The following CUL9 variants were observed in gnomAD, a reference collection of about 807,000 sequenced individuals.
CUL9 encodes cullin 9.
Under a neutral mutation model 272.6 loss-of-function variants are expected in CUL9, and 79 were observed. The observed-to-expected ratio is 0.29, with a 90% confidence interval of 0.24 to 0.35. The LOEUF is 0.35. Ranked by LOEUF, CUL9 falls within the 10% of genes least tolerant of loss-of-function variation. The pLI, the probability that CUL9 is intolerant of heterozygous loss-of-function variation, is 1.00. For synonymous variants in CUL9, 1,186 were observed against 1,286.5 expected (o/e 0.92, Z 1.67); for missense variants, 2,532 against 3,255.6 (o/e 0.78, Z 5.41).
rs1473038093 is a variant in CUL9 at position 43,218,761 on chromosome 6, G to C, written c.6283-1698G>C. Reference sequence around the variant, plus strand: ...GAATCAAGGATGGTTCCTGTGCTTTGACCTGAGCACCTGGGTGGATGGCAT... The same window carrying C: ...GAATCAAGGATGGTTCCTGTGCTTTCACCTGAGCACCTGGGTGGATGGCAT... On this transcript the variant is annotated intron_variant, in intron 31 of 40. Coordinates refer to ENST00000252050, the MANE Select transcript of CUL9 (RefSeq NM_015089.4). The surrounding 1 kb of genome is among the most constrained non-coding windows in gnomAD (Gnocchi z 4.4). Among the ~76,000 whole-genome samples, 1 of 152,204 alleles carries C rather than the reference G, an allele frequency of 6.6e-6. No homozygotes were observed. Among genetic ancestry groups the C allele is most frequent in the African/African-American group, 2.4e-5 (1 of 41,446 alleles).
At position 43,223,680 on chromosome 6, in the gene CUL9, T is replaced by C. The variant is rs16896363; in HGVS notation, c.7284+283T>C. 8,452 of 534,546 alleles carry C rather than the reference T, an allele frequency of 0.016. 173 individuals carry two copies. Among genetic ancestry groups the C allele is most frequent in the African/African-American group, 0.074 (3,912 of 53,108 alleles). The allele number at this position is 534,546 out of a possible 1,614,324, so 33.1% of individuals were successfully genotyped here. On this transcript the variant is annotated intron_variant, in intron 39 of 40. Transcript: ENST00000252050. The surrounding 1 kb of genome is among the most constrained non-coding windows in gnomAD (Gnocchi z 4.1). ...CTATCAGAATCACTTGGGGAACTTT[T>C]CCAGACTGTACTTCCCAGATAGGGA...
Position 43,224,512 on chromosome 6 carries a change from CCT to C in CUL9, c.*68_*69del, listed in dbSNP as rs1429497853. On this transcript the variant is annotated 3_prime_UTR_variant, in exon 41 of 41. Transcript: ENST00000252050. This position sits in a 1 kb window ranked among gnomAD's most constrained non-coding sequence, Gnocchi z 4.2. ...CGGGGCTGAGGGGGCGGGAGCTGCCCCTGTCATAGGGAGGGGGATTCCCAGCG... is the reference window on the plus strand; with the variant it reads ...CGGGGCTGAGGGGGCGGGAGCTGCCCGTCATAGGGAGGGGGATTCCCAGCG... 121 of 1,469,628 alleles carry C rather than the reference CCT, an allele frequency of 8.2e-5. No homozygotes were observed. Among genetic ancestry groups the C allele is most frequent in the Middle Eastern group, 2.4e-4 (1 of 4,104 alleles). The allele number at this position is 1,469,628 out of a possible 1,614,324, so 91.0% of individuals were successfully genotyped here.
At chr6:43,196,312 C>A in intron 10 of CUL9, 47 bp downstream of exon 10, 1 of 1,534,408 alleles carries the variant, frequency 6.5e-7, no homozygotes, top group Non-Finnish European at 8.9e-7. Flanking sequence ...TAGTCCCAAA[C>A]CCTGCTACTC....
chr6:43,218,290 C>T lies in CUL9; in HGVS notation c.6282+1787C>T, dbSNP rs752065489. Among the ~76,000 whole-genome samples the T allele has an allele frequency of 7.9e-5, 12 of 152,128 alleles. No individual in the cohort carries two copies. Among genetic ancestry groups the T allele is most frequent in the Non-Finnish European group, 1.5e-5 (1 of 68,020 alleles). On this transcript the variant is annotated intron_variant, in intron 31 of 40. Transcript: ENST00000252050. This position sits in a 1 kb window ranked among gnomAD's most constrained non-coding sequence, Gnocchi z 4.4. ...GCAGTGCAGTGGCGCGATCTCGGCTCATTGCAACCTCCATCTCCCGGGTTC... is the reference window on the plus strand; with the variant it reads ...GCAGTGCAGTGGCGCGATCTCGGCTTATTGCAACCTCCATCTCCCGGGTTC...
Position 43,184,154 on chromosome 6 carries a change from A to AT in CUL9, c.-9-142dup. 4.0e-6 allele frequency: 2 copies of AT among 502,268 alleles called. No individual in the cohort carries two copies. Among genetic ancestry groups the AT allele is most frequent in the East Asian group, 3.2e-5 (1 of 31,120 alleles). 31.1% of individuals were successfully genotyped at this position (502,268 alleles called of 1,614,324 possible). A position where few individuals can be genotyped will look rare whatever the true frequency, so the allele number is the denominator to read the frequency against. ...TATGTTCAGCTATTTATTCCATCCT[A>AT]TTTTTTGCCTTTTCTGTTTGGCCTC... On this transcript the variant is annotated intron_variant, in intron 1 of 40. Coordinates refer to ENST00000252050, the MANE Select transcript of CUL9 (RefSeq NM_015089.4). The surrounding 1 kb of genome is among the most constrained non-coding windows in gnomAD (Gnocchi z 4.8).
At chr6:43,216,040 C>T in intron 30 of CUL9, 118 bp from the exon 31 acceptor site, 2 of 936,514 alleles carry the variant, frequency 2.1e-6, no homozygotes, top group Admixed American at 5.2e-5. Context: ...TATCCTGAGG[C>T]TGCTTAGGCA....
At chr6:43,208,694 C>A (rs1775227667) in intron 26 of CUL9, among the ~76,000 whole-genome samples, 1 of 152,106 alleles carries the variant, frequency 6.6e-6, no homozygotes, top group South Asian at 2.1e-4. Flanking sequence ...TGGTTACTGG[C>A]TTTCCAGTTT....
chr6:43,186,395 G>A lies in CUL9; in HGVS notation c.1191G>A (p.Glu397=), dbSNP rs758762007. Residue 397 remains glutamate (E), a synonymous_variant, in exon 4 of 41, where the codon GAG becomes GAA. Coordinates refer to ENST00000252050, the MANE Select transcript of CUL9 (RefSeq NM_015089.4). ...TGCGGATGCTGGATGATTATGAGGA[G>A]ATCAGTGCTGGGGACGAGGGCGAGT... The part of the protein sequence containing the change: ...MRVRMLDDYE[E]ISAGDEGEFR... 6.2e-7 allele frequency: 1 copy of A among 1,612,636 alleles called. No homozygotes were observed. The highest frequency in any genetic ancestry group is 2.2e-5 in the East Asian group (1 of 44,828).
chr6:43,196,695 G>A lies in CUL9; in HGVS notation c.2636G>A (p.Cys879Tyr). 3 of 1,614,182 alleles carry A rather than the reference G, an allele frequency of 1.9e-6. No individual in the cohort carries two copies. Among genetic ancestry groups the A allele is most frequent in the Non-Finnish European group, 2.5e-6 (3 of 1,180,040 alleles). ...NGLLLLNLLL[C>Y]NHHTLGDQII... ...TTACTCCTGCTCAACCTACTTTTGTGCAACCACCACACTCTGGGAGACCAG... is the reference window on the plus strand; with the variant it reads ...TTACTCCTGCTCAACCTACTTTTGTACAACCACCACACTCTGGGAGACCAG... Residue 879 changes from cysteine to tyrosine, a missense_variant, in exon 11 of 41, where the codon TGC (cysteine) becomes TAC (tyrosine). Physicochemically the swap from Cys to Tyr is radical, Grantham distance 194. Around this residue, in one of 3 missense-constraint regions of CUL9, gnomAD observed 2,218 missense variants for 2,788.6 expected, o/e 0.80. Coordinates refer to ENST00000252050, the MANE Select transcript of CUL9 (RefSeq NM_015089.4).
In CUL9 at chr6:43,188,677, G is replaced by A; in HGVS notation, c.2142G>A (p.Glu714=). Residue 714 remains glutamate, a synonymous_variant, in exon 8 of 41, where the codon GAG becomes GAA. Transcript: ENST00000252050. ...ALSQAVEEVT[E]RDHPLVRPDR... is the part of the protein sequence containing the mutation. ...CTCAGGCTGTGGAGGAGGTCACTGA[G>A]CGGGACCACCCTCTGGTCCGTCCTG... 1.2e-6 allele frequency: 2 copies of A among 1,613,984 alleles called. No homozygotes were observed. The highest frequency in any genetic ancestry group is 2.2e-5 in the East Asian group (1 of 44,888).
intron 30 of CUL9, 78 bp downstream of exon 30, chr6:43,215,404 A>G: frequency 6.7e-7 from 1 of 1,499,280 alleles, no homozygotes; most frequent in East Asian, 2.3e-5. Flanking sequence ...GTGGAGAAAC[A>G]CTTCCCTTCT....
rs1447842888 is a variant in CUL9 at position 43,221,228 on chromosome 6, G to A, written c.6659G>A (p.Ser2220Asn). The A allele has an allele frequency of 6.2e-7, 1 of 1,611,746 alleles. No individual in the cohort carries two copies. The highest frequency in any genetic ancestry group is 2.2e-5 in the East Asian group (1 of 44,880). Residue 2220 changes from serine to asparagine, a missense_variant, in exon 34 of 41, where the codon AGC becomes AAC. Around this residue, in one of 3 missense-constraint regions of CUL9, gnomAD observed 77 missense variants for 161.1 expected, o/e 0.48. Coordinates refer to ENST00000252050, the MANE Select transcript of CUL9 (RefSeq NM_015089.4). The surrounding 1 kb of genome is among the most constrained non-coding windows in gnomAD (Gnocchi z 4.2). ...VDDGGYYDGM[S>N]VEAQSKHLAK... ...GACGGTGGCTACTATGACGGCATGAGCGTGGAGGCGCAGAGCAAGCACCTG... is the reference window on the plus strand; with the variant it reads ...GACGGTGGCTACTATGACGGCATGAACGTGGAGGCGCAGAGCAAGCACCTG...
chr6:43,224,555 G>GT lies in CUL9; in HGVS notation c.*113dup. On this transcript the variant is annotated 3_prime_UTR_variant, in exon 41 of 41. Transcript: ENST00000252050. The surrounding 1 kb of genome is among the most constrained non-coding windows in gnomAD (Gnocchi z 4.2). ...ATTCCCAGCGTCTGTAGTGCTTCCT[G>GT]TTTGCTGAATAAAGGTCTCTTTCTC... is the stretch of plus-strand genomic sequence containing the variant. 1 of 1,035,504 alleles carries GT rather than the reference G, an allele frequency of 9.7e-7. No homozygotes were observed. The highest frequency in any genetic ancestry group is 1.7e-5 in the South Asian group (1 of 59,644). The allele number at this position is 1,035,504 out of a possible 1,614,324, so 64.1% of individuals were successfully genotyped here.
intron 9 of CUL9, among the ~76,000 whole-genome samples, chr6:43,193,509 C>T (rs1299459061): frequency 1.3e-5 from 2 of 152,226 alleles, no homozygotes; most frequent in Non-Finnish European, 2.9e-5. Flanking sequence ...GCTGAGATTA[C>T]AGGCATAAGC....
At chr6:43,216,029 T>G (rs1775903355) in intron 30 of CUL9, 129 bp from the exon 31 acceptor site, 1 of 825,634 alleles carries the variant, frequency 1.2e-6, no homozygotes, top group Admixed American at 2.7e-5. Flanking sequence ...GTTTGGGTGG[T>G]TATCCTGAGG....
chr6:43,216,571 T>C (rs1775954154), intron 31 of CUL9, 68 bp downstream of exon 31: 1 of 1,420,418 alleles, frequency 7.0e-7, no homozygotes, highest in Non-Finnish European at 9.6e-7. Context: ...TCCTTGGGAA[T>C]TCTTGGGTTC....
chr6:43,183,018 T>C (rs1010827911), intron 1 of CUL9, among the ~76,000 whole-genome samples: 1 of 152,222 alleles, frequency 6.6e-6, no homozygotes, highest in Admixed American at 6.5e-5. Context: ...TTTACATACA[T>C]GATCCTACTA....
Position 43,187,795 on chromosome 6 carries a change from T to C in CUL9, c.1664T>C (p.Phe555Ser), listed in dbSNP as rs749630014. 10 of 1,613,668 alleles carry C rather than the reference T, an allele frequency of 6.2e-6. No homozygotes were observed. The highest frequency in any genetic ancestry group is 5.4e-5 in the African/African-American group (4 of 74,762). Residue 555 changes from phenylalanine (F) to serine (S), a missense_variant, in exon 7 of 41, where the codon TTT becomes TCT. This residue lies in a region of CUL9 where 2,218 missense variants were observed against 2,788.6 expected (regional missense o/e 0.80). Coordinates refer to ENST00000252050, the MANE Select transcript of CUL9 (RefSeq NM_015089.4). ...ESLLQVLSSR[F>S]EGSTLNDLLN... ...CTGCTGCAGGTTCTCAGTAGTCGAT[T>C]TGAGGGCAGCACTCTCAATGACCTG...
chr6:43,187,692 G>T (rs546804120), intron 6 of CUL9, 21 bp from the exon 7 acceptor site: 1 of 1,608,624 alleles, frequency 6.2e-7, no homozygotes, highest in African/African-American at 1.3e-5. Context: ...TCTCTTAAAC[G>T]TATACCCCTT....
Sources: allele counts gnomAD v4.1 joint callset (sites outside exome capture counted in the v4.1 genomes callset), GRCh38; gene constraint gnomAD v4.1.1; regional missense constraint gnomAD v4.1.1; non-coding constraint Gnocchi (gnomAD v3.1); transcripts MANE v1.5; gene names NCBI Gene and HGNC (gene_info 2026-07-23, HGNC 2026-07-21).